IGSF21: variants seen among roughly 807,000 people sequenced by gnomAD.
IGSF21 encodes the protein immunoglobulin superfamily member 21.
Under a neutral mutation model 46.8 loss-of-function variants are expected in IGSF21, and 28 were observed. The observed-to-expected ratio is 0.60, with a 90% CI of 0.44 to 0.82. IGSF21 has a LOEUF of 0.82. Among genes scored for constraint, IGSF21 ranks in the 40% least tolerant of loss-of-function variants. The pLI, the probability that IGSF21 is intolerant of heterozygous loss-of-function variation, is 0.00. For missense variants in IGSF21, 624 were observed against 665.5 expected (o/e 0.94, Z 0.69); for synonymous variants, 284 against 273.6 (o/e 1.04, Z -0.38).
intron 1 of IGSF21, among the ~76,000 whole-genome samples, chr1:18,120,657 C>T (rs146916316): frequency 3.5e-4 from 54 of 152,300 alleles, no homozygotes; most frequent in South Asian, 1.2e-3. Flanking sequence ...AGCAGCAAAA[C>T]GGTGCCTACT....
intron 3 of IGSF21, among the ~76,000 whole-genome samples, chr1:18,312,096 C>T (rs141531090): frequency 1.6e-4 from 24 of 152,264 alleles, no homozygotes; most frequent in African/African-American, 5.1e-4. Context: ...GGGGTGGGCA[C>T]GGCATCCTCA....
chr1:18,206,395 A>G (rs909821691), intron 1 of IGSF21, among the ~76,000 whole-genome samples: 3 of 151,944 alleles, frequency 2.0e-5, no homozygotes, highest in South Asian at 2.1e-4. Context: ...ACAAGCAATA[A>G]AAAATTAATT....
chr1:18,306,812 G>T (rs1403190090), intron 3 of IGSF21, among the ~76,000 whole-genome samples: 1 of 152,214 alleles, frequency 6.6e-6, no homozygotes, highest in Non-Finnish European at 1.5e-5. Context: ...ATGTGTTTGT[G>T]CTGGATGATG....
intron 3 of IGSF21, among the ~76,000 whole-genome samples, chr1:18,313,921 G>C (rs551326692): frequency 1.3e-5 from 2 of 152,278 alleles, no homozygotes; most frequent in Admixed American, 1.3e-4. Context: ...GAAGCAGGGG[G>C]TCTTTTCCTT....
Position 18,236,192 on chromosome 1 carries a change from T to C in IGSF21, c.183+8182T>C, listed in dbSNP as rs553378815. 9.9e-5 allele frequency among the ~76,000 whole-genome samples: 15 copies of C among 152,262 alleles called. 2 individuals carry two copies. Among genetic ancestry groups the C allele is most frequent in the African/African-American group, 3.4e-4 (14 of 41,546 alleles). The stretch of plus-strand genomic sequence containing the variant: ...CAAGGGTGGGGCCAGGTGGAGATAA[T>C]TGAATCATGGGGGCAGCTTCCCCCA... On this transcript the variant is annotated intron_variant, in intron 2 of 9. Transcript: ENST00000251296.
At chr1:18,267,704 T>C (rs2085003367) in intron 2 of IGSF21, among the ~76,000 whole-genome samples, 1 of 152,192 alleles carries the variant, frequency 6.6e-6, no homozygotes, top group Admixed American at 6.5e-5. Flanking sequence ...GAGGCTGCTT[T>C]CCTTGGACCA....
At chr1:18,373,338 C>G (rs2086247863) in intron 6 of IGSF21, among the ~76,000 whole-genome samples, 1 of 152,114 alleles carries the variant, frequency 6.6e-6, no homozygotes, top group African/African-American at 2.4e-5. Flanking sequence ...GCACTCTCAG[C>G]CATTGTGGTC....
chr1:18,378,176 G>A, intron 9 of IGSF21, 80 bp from the exon 10 acceptor site: 1 of 1,189,932 alleles, frequency 8.4e-7, no homozygotes, highest in Non-Finnish European at 1.2e-6. Context: ...CAGCGTCTTT[G>A]TTGGGGACCT....
chr1:18,290,864 C>G lies in IGSF21; in HGVS notation c.184-1002C>G, dbSNP rs2085258389. Reference sequence around the variant, plus strand: ...CCCTTTCCCCGCTGCCTCCACCACACAGAGCCGCAGGGAGCTAATTCCACT... The same window carrying G: ...CCCTTTCCCCGCTGCCTCCACCACAGAGAGCCGCAGGGAGCTAATTCCACT... On this transcript the variant is annotated intron_variant, in intron 2 of 9. Transcript: ENST00000251296. The surrounding 1 kb of genome is among the most constrained non-coding windows in gnomAD (Gnocchi z 4.2). Among the ~76,000 whole-genome samples, 1 of 151,948 alleles carries G rather than the reference C, an allele frequency of 6.6e-6. No individual in the cohort carries two copies. Among genetic ancestry groups the G allele is most frequent in the South Asian group, 2.1e-4 (1 of 4,802 alleles).
rs1379624277 is a variant in IGSF21, at chr1:18,372,861, GAT to G, written c.1016-3448_1016-3447del. 9.0e-3 allele frequency among the ~76,000 whole-genome samples: 773 copies of G among 86,220 alleles called. 8 individuals carry two copies. The highest frequency in any genetic ancestry group is 0.047 in the Admixed American group (369 of 7,792). The allele number at this position is 86,220 out of a possible 152,430, so 56.6% of individuals were successfully genotyped here. On this transcript the variant is annotated intron_variant, in intron 6 of 9. Transcript: ENST00000251296. Reference sequence around the variant, plus strand: ...GGATGGATGGATGGATGGATGGATGGATGGGTGGATGGATGGATGGATGGATG... The same window carrying G: ...GGATGGATGGATGGATGGATGGATGGGGGTGGATGGATGGATGGATGGATG...
rs2086212528 is a variant in IGSF21, at chr1:18,119,246, A to G, written c.70+11048A>G. ...GCACTGTGTTGGGTTCTAGAAATCCAGAGGAGGGCAAATAGGCAAGTTCTT... is the reference window on the plus strand; with the variant it reads ...GCACTGTGTTGGGTTCTAGAAATCCGGAGGAGGGCAAATAGGCAAGTTCTT... On this transcript the variant is annotated intron_variant, in intron 1 of 9. Coordinates refer to ENST00000251296, the MANE Select transcript of IGSF21 (RefSeq NM_032880.5). Among the ~76,000 whole-genome samples, 3 of 152,232 alleles carry G rather than the reference A, an allele frequency of 2.0e-5. No homozygotes were observed. The South Asian group carries it at 6.2e-4, about 31-fold the overall frequency.
intron 2 of IGSF21, among the ~76,000 whole-genome samples, chr1:18,249,668 A>G (rs911381914): frequency 1.3e-5 from 2 of 152,204 alleles, no homozygotes; most frequent in African/African-American, 4.8e-5. Flanking sequence ...GGCCAGAGGA[A>G]TGGCCCAGAG....
chr1:18,311,624 G>A (rs1314307345), intron 3 of IGSF21, among the ~76,000 whole-genome samples: 3 of 152,170 alleles, frequency 2.0e-5, no homozygotes, highest in Admixed American at 6.5e-5. Context: ...AGACATACCC[G>A]AGACTGGGTA....
In IGSF21 at chr1:18,322,358, C is replaced by G. The variant is rs776114500; in HGVS notation, c.306-12534C>G. Among the ~76,000 whole-genome samples, 3 of 152,082 alleles carry G rather than the reference C, an allele frequency of 2.0e-5. No individual in the cohort carries two copies. The highest frequency in any genetic ancestry group is 7.2e-5 in the African/African-American group (3 of 41,414). On this transcript the variant is annotated intron_variant, in intron 3 of 9. Transcript: ENST00000251296. This position sits in a 1 kb window ranked among gnomAD's most constrained non-coding sequence, Gnocchi z 4.3. The stretch of plus-strand genomic sequence containing the variant: ...CCCAGAGGCAGCCACCTTCCACGCC[C>G]GTCTTCCCTCTTCTGGTGGAGGCAG...
At chr1:18,231,143 C>T (rs1007893996) in intron 2 of IGSF21, among the ~76,000 whole-genome samples, 1 of 152,236 alleles carries the variant, frequency 6.6e-6, no homozygotes, top group African/African-American at 2.4e-5. Context: ...CCGCCACTGC[C>T]TGCTCAGCAC....
intron 1 of IGSF21, among the ~76,000 whole-genome samples, chr1:18,160,752 T>C (rs1444398343): frequency 6.6e-6 from 1 of 152,180 alleles, no homozygotes; most frequent in African/African-American, 2.4e-5. Flanking sequence ...TTGTTCTATC[T>C]GGGAATCACA....
intron 3 of IGSF21, among the ~76,000 whole-genome samples, chr1:18,314,223 C>T (rs2085517752): frequency 6.6e-6 from 1 of 152,016 alleles, no homozygotes; most frequent in Admixed American, 6.6e-5. Context: ...TACAGTGGAA[C>T]TGAAACCACC....
chr1:18,183,374 A>T lies in IGSF21; in HGVS notation c.71-44524A>T, dbSNP rs111549433. Among the ~76,000 whole-genome samples, 231 of 152,336 alleles carry T rather than the reference A, an allele frequency of 1.5e-3. 2 individuals carry two copies. The highest frequency in any genetic ancestry group is 0.014 in the Middle Eastern group (4 of 294). ...TCTGTGAATGGGTGAATTTTATTTTATGTAAATTAAACCTCAAGGTAGCTG... is the reference window on the plus strand; with the variant it reads ...TCTGTGAATGGGTGAATTTTATTTTTTGTAAATTAAACCTCAAGGTAGCTG... On this transcript the variant is annotated intron_variant, in intron 1 of 9. Transcript: ENST00000251296.
intron 3 of IGSF21, among the ~76,000 whole-genome samples, chr1:18,313,234 G>T (rs1334842203): frequency 6.6e-6 from 1 of 152,148 alleles, no homozygotes; most frequent in Non-Finnish European, 1.5e-5. Context: ...AGAGAGGCTT[G>T]CCCTTGCCCC....
Sources: gnomAD v4.1 joint callset for allele counts (sites outside exome capture counted in the v4.1 genomes callset) on GRCh38, gnomAD v4.1.1 for gene constraint, Gnocchi (gnomAD v3.1) non-coding constraint, MANE v1.5 for transcripts, NCBI Gene and HGNC (gene_info 2026-07-23, HGNC 2026-07-21) for gene names.